Variants in NKAIN3 observed in about 807,000 individuals in gnomAD.
NKAIN3 encodes sodium/potassium-transporting ATPase subunit beta-1-interacting protein 3.
NKAIN3 carries 25 observed loss-of-function variants against 30.2 expected under a neutral mutation model. The ratio of observed to expected loss-of-function variants is 0.83; its 90% CI spans 0.60 to 1.16. The LOEUF is 1.16. NKAIN3 is among the 50% of genes most tolerant of loss of function. The pLI is 0.00. For missense variants in NKAIN3, 225 were observed against 254.1 expected (o/e 0.89, Z 0.78); for synonymous variants, 91 against 89.6 (o/e 1.02, Z -0.09).
chr8:62,357,491 A>G (rs1157205880), intron 1 of NKAIN3, among the ~76,000 whole-genome samples: 2 of 151,590 alleles, frequency 1.3e-5, no homozygotes, highest in African/African-American at 4.8e-5. Context: ...TTGCTGAAAA[A>G]CTCTTATTTG....
intron 3 of NKAIN3, among the ~76,000 whole-genome samples, chr8:62,660,117 T>C (rs544820629): frequency 6.6e-6 from 1 of 152,154 alleles, no homozygotes; most frequent in Non-Finnish European, 1.5e-5. Flanking sequence ...ACTCCCAAGT[T>C]ACCAACTTGG....
chr8:62,503,764 C>G (rs528734878), intron 1 of NKAIN3, among the ~76,000 whole-genome samples: 13 of 152,156 alleles, frequency 8.5e-5, no homozygotes, highest in African/African-American at 3.1e-4. Flanking sequence ...GCTTTTTTAG[C>G]CCAACCCCGC....
At chr8:62,604,572 C>A (rs1333033237) in intron 3 of NKAIN3, among the ~76,000 whole-genome samples, 5 of 152,100 alleles carry the variant, frequency 3.3e-5, no homozygotes, top group Non-Finnish European at 7.4e-5. Flanking sequence ...ACACATAATT[C>A]TACTTTATTC....
chr8:62,474,820 A>G (rs1010489637), intron 1 of NKAIN3, among the ~76,000 whole-genome samples: 18 of 152,216 alleles, frequency 1.2e-4, no homozygotes, highest in Non-Finnish European at 2.6e-4. Flanking sequence ...TCCAGATCTA[A>G]TAAGGAATAA....
intron 6 of NKAIN3, among the ~76,000 whole-genome samples, chr8:62,960,039 C>T (rs1380955403): frequency 6.6e-6 from 1 of 152,180 alleles, no homozygotes; most frequent in African/African-American, 2.4e-5. Flanking sequence ...AATGGTTGTA[C>T]CATGTCATGG....
Position 62,256,917 on chromosome 8 carries a change from C to A in NKAIN3, c.54+7790C>A, listed in dbSNP as rs1444471420. Among the ~76,000 whole-genome samples, 5 of 152,176 alleles carry A rather than the reference C, an allele frequency of 3.3e-5. No homozygotes were observed. In the South Asian group the frequency reaches 1.0e-3, roughly 31 times the overall value. On this transcript the variant is annotated intron_variant, in intron 1 of 6. Transcript: ENST00000623646. ...ATGGTTTTAGACCATATTTGTGAGG[C>A]TGACGAATGTTCCTGTTTCTCTACT...
intron 4 of NKAIN3, among the ~76,000 whole-genome samples, chr8:62,787,979 G>A (rs200906897): frequency 3.0e-4 from 46 of 152,052 alleles, no homozygotes; most frequent in East Asian, 2.3e-3. Context: ...GAATAGTGCC[G>A]CAATAAACAT....
intron 4 of NKAIN3, among the ~76,000 whole-genome samples, chr8:62,848,200 G>T (rs1038545708): frequency 1.3e-5 from 2 of 151,990 alleles, no homozygotes; most frequent in Non-Finnish European, 2.9e-5. Context: ...TAGTTTTTCT[G>T]ATTCTGTGAA....
At chr8:62,850,838 A>G (rs553702803) in intron 4 of NKAIN3, among the ~76,000 whole-genome samples, 4 of 152,226 alleles carry the variant, frequency 2.6e-5, no homozygotes, top group South Asian at 2.1e-4. Context: ...TACCAGTATC[A>G]TGCTGTTTTG....
intron 1 of NKAIN3, among the ~76,000 whole-genome samples, chr8:62,379,297 G>A (rs1343335318): frequency 6.6e-6 from 1 of 152,180 alleles, no homozygotes; most frequent in African/African-American, 2.4e-5. Context: ...GACTTGCCTT[G>A]TCTCAGATGA....
At chr8:62,961,401 A>C (rs996760523) in intron 6 of NKAIN3, among the ~76,000 whole-genome samples, 1 of 152,194 alleles carries the variant, frequency 6.6e-6, no homozygotes, top group Non-Finnish European at 1.5e-5. Context: ...TTGGACTGAT[A>C]CTATAGAAAT....
intron 4 of NKAIN3, among the ~76,000 whole-genome samples, chr8:62,816,545 C>G (rs1006307733): frequency 5.7e-4 from 87 of 152,088 alleles, no homozygotes; most frequent in Admixed American, 5.4e-3. Context: ...CATGGCAGCT[C>G]TTGGTTCTGG....
intron 5 of NKAIN3, among the ~76,000 whole-genome samples, chr8:62,928,802 G>T (rs1010537424): frequency 1.3e-5 from 2 of 152,336 alleles, no homozygotes; most frequent in Middle Eastern, 3.4e-3. Context: ...TCAGAGAAAG[G>T]TTGACCATAT....
intron 1 of NKAIN3, among the ~76,000 whole-genome samples, chr8:62,491,405 A>C (rs1244331094): frequency 6.6e-6 from 1 of 152,108 alleles, no homozygotes; most frequent in African/African-American, 2.4e-5. Flanking sequence ...CATAAGTTAG[A>C]TGTATTAGAA....
intron 5 of NKAIN3, among the ~76,000 whole-genome samples, chr8:62,929,582 G>C (rs73262886): frequency 0.013 from 2,017 of 152,300 alleles, 49 homozygotes; most frequent in African/African-American, 0.046. Context: ...AACAGGTGAA[G>C]ACCAAAGTTT....
intron 3 of NKAIN3, among the ~76,000 whole-genome samples, chr8:62,723,493 A>G (rs947477780): frequency 6.6e-6 from 1 of 152,140 alleles, no homozygotes; most frequent in Non-Finnish European, 1.5e-5. Flanking sequence ...TCGTAATCAA[A>G]TAACTATTGA....
intron 1 of NKAIN3, among the ~76,000 whole-genome samples, chr8:62,395,969 A>T (rs1817741462): frequency 6.6e-6 from 1 of 152,240 alleles, no homozygotes; most frequent in South Asian, 2.1e-4. Flanking sequence ...GTGAGGCTTA[A>T]GTCTCCAGAT....
At chr8:62,694,900 C>CA (rs1563519801) in intron 3 of NKAIN3, among the ~76,000 whole-genome samples, 2 of 152,178 alleles carry the variant, frequency 1.3e-5, no homozygotes. Flanking sequence ...TTTCTTAACT[C>CA]ACGTCCTAAA....
chr8:62,544,097 G>A (rs1302923085), intron 1 of NKAIN3, among the ~76,000 whole-genome samples: 2 of 152,090 alleles, frequency 1.3e-5, no homozygotes, highest in South Asian at 2.1e-4. Context: ...TGCCTCCGGG[G>A]CTCAAGAGAT....
Sources: gnomAD v4.1 joint callset for allele counts (sites outside exome capture counted in the v4.1 genomes callset) on GRCh38, gnomAD v4.1.1 for gene constraint, MANE v1.5 for transcripts, NCBI Gene and HGNC (gene_info 2026-07-23, HGNC 2026-07-21) for gene names.